KCNK13: variants seen among roughly 807,000 people sequenced by gnomAD.
KCNK13 encodes the protein potassium two pore domain channel subfamily K member 13, also known as potassium channel subfamily K member 13.
A neutral mutation model predicts 23.4 loss-of-function variants in KCNK13; 12 were observed. The observed-to-expected ratio is 0.51, with a 90% CI of 0.33 to 0.83. The LOEUF is 0.83. Ranked by LOEUF, KCNK13 falls within the 40% of genes least tolerant of loss-of-function variation. The pLI, the probability that KCNK13 is intolerant of heterozygous loss-of-function variation, is 0.02. For missense variants in KCNK13, 463 were observed against 556.3 expected (o/e 0.83, Z 1.69); for synonymous variants, 231 against 229.5 (o/e 1.01, Z -0.06).
chr14:90,127,724 C>T (rs547188481), intron 1 of KCNK13, among the ~76,000 whole-genome samples: 4 of 141,392 alleles, frequency 2.8e-5, no homozygotes, highest in South Asian at 2.4e-4. Flanking sequence ...AAGGCTGAGG[C>T]GGGAGGATCC....
intron 1 of KCNK13, among the ~76,000 whole-genome samples, chr14:90,093,235 GCTT>G (rs1232316862): frequency 6.6e-6 from 1 of 152,162 alleles, no homozygotes; most frequent in Non-Finnish European, 1.5e-5. Context: ...CAGGGACCAC[GCTT>G]CTTCTAGATG....
At chr14:90,136,547 C>G (rs181283862) in intron 1 of KCNK13, among the ~76,000 whole-genome samples, 9 of 152,134 alleles carry the variant, frequency 5.9e-5, no homozygotes, top group South Asian at 4.2e-4. Context: ...ACCTGAACTG[C>G]CTAAGGTTTT....
chr14:90,098,308 G>C (rs1351852143), intron 1 of KCNK13, among the ~76,000 whole-genome samples: 1 of 152,154 alleles, frequency 6.6e-6, no homozygotes, highest in Non-Finnish European at 1.5e-5. Flanking sequence ...AAAATAGTCT[G>C]ATTTCTTGGC....
At chr14:90,085,315 T>C (rs1401500726) in intron 1 of KCNK13, among the ~76,000 whole-genome samples, 1 of 152,128 alleles carries the variant, frequency 6.6e-6, no homozygotes, top group East Asian at 1.9e-4. Flanking sequence ...TTTTAATATG[T>C]TGCTGCATTT....
chr14:90,151,495 T>C (rs1890133811), intron 1 of KCNK13, among the ~76,000 whole-genome samples: 1 of 152,202 alleles, frequency 6.6e-6, no homozygotes, highest in South Asian at 2.1e-4. Flanking sequence ...TTCTTGCTAT[T>C]GAGTTGTTTG....
At chr14:90,069,808 G>A (rs987640905) in intron 1 of KCNK13, among the ~76,000 whole-genome samples, 1 of 152,098 alleles carries the variant, frequency 6.6e-6, no homozygotes, top group African/African-American at 2.4e-5. Flanking sequence ...GGATAGGCAG[G>A]GAAGTTATTA....
chr14:90,178,585 G>A (rs942038203), intron 1 of KCNK13, among the ~76,000 whole-genome samples: 17 of 151,928 alleles, frequency 1.1e-4, no homozygotes, highest in African/African-American at 1.7e-4. Flanking sequence ...CCACCACACC[G>A]GGCCTGATGT....
chr14:90,071,613 C>T (rs1292140556), intron 1 of KCNK13, among the ~76,000 whole-genome samples: 2 of 152,132 alleles, frequency 1.3e-5, no homozygotes, highest in Admixed American at 1.3e-4. Flanking sequence ...GGTAGTTGAC[C>T]CAGCAAGCAA....
chr14:90,126,762 C>T (rs1335977379), intron 1 of KCNK13, among the ~76,000 whole-genome samples: 2 of 152,096 alleles, frequency 1.3e-5, no homozygotes, highest in African/African-American at 2.4e-5. Flanking sequence ...AGGCTGGTCT[C>T]GAACTCCTGA....
chr14:90,094,645 CTTTTTTTTT>C (rs778654067), intron 1 of KCNK13, among the ~76,000 whole-genome samples: 4 of 111,624 alleles, frequency 3.6e-5, no homozygotes, highest in Admixed American at 9.7e-5. Context: ...TCTTTTTTTT[CTTTTTTTTT>C]TTTTTTTTTT....
chr14:90,077,657 C>T (rs530677125), intron 1 of KCNK13, among the ~76,000 whole-genome samples: 1 of 152,360 alleles, frequency 6.6e-6, no homozygotes, highest in South Asian at 2.1e-4. Flanking sequence ...GTGCTTTCAG[C>T]AGATACTATT....
chr14:90,087,152 A>ATTTTT (rs1241730961), intron 1 of KCNK13, among the ~76,000 whole-genome samples: 3 of 93,578 alleles, frequency 3.2e-5, no homozygotes, highest in Non-Finnish European at 6.4e-5. Flanking sequence ...ATATATATAT[A>ATTTTT]TATTTTTTTT....
rs116429327 is a variant in KCNK13 at position 90,171,608 on chromosome 14, G to A, written c.335-12503G>A. On this transcript the variant is annotated intron_variant, in intron 1 of 1. Transcript: ENST00000282146. ...TATAAATTTTAGGGAGACATGAGAC[G>A]TCAATTAATATATGTCTGGAAAAGT... is the stretch of plus-strand genomic sequence containing the variant. Among the ~76,000 whole-genome samples, 983 of 152,292 alleles carry A rather than the reference G, an allele frequency of 6.5e-3. 6 individuals are homozygous for A. Among genetic ancestry groups the A allele is most frequent in the African/African-American group, 0.023 (948 of 41,556 alleles).
At chr14:90,091,225 G>T (rs184864013) in intron 1 of KCNK13, among the ~76,000 whole-genome samples, 2 of 152,174 alleles carry the variant, frequency 1.3e-5, no homozygotes, top group Non-Finnish European at 2.9e-5. Context: ...GAGCAGTCAA[G>T]GTTTTCCTGA....
intron 1 of KCNK13, among the ~76,000 whole-genome samples, chr14:90,135,106 G>T (rs565507222): frequency 7.9e-5 from 12 of 152,244 alleles, no homozygotes; most frequent in African/African-American, 2.9e-4. Context: ...GCCCACTTGG[G>T]GAACTCACAC....
intron 1 of KCNK13, among the ~76,000 whole-genome samples, chr14:90,115,049 C>T (rs1889659838): frequency 6.6e-6 from 1 of 152,164 alleles, no homozygotes; most frequent in Non-Finnish European, 1.5e-5. Flanking sequence ...TCACTTCTAC[C>T]AACCCAATGC....
Position 90,091,255 on chromosome 14 carries a change from A to T in KCNK13, c.334+28716A>T, listed in dbSNP as rs1401095827. The stretch of plus-strand genomic sequence containing the variant: ...TCCTGATGGGGTGCATGGAGATTTT[A>T]TTCCATTCTTGTTGATTTCCCTCTG... On this transcript the variant is annotated intron_variant, in intron 1 of 1. Coordinates refer to ENST00000282146, the MANE Select transcript of KCNK13 (RefSeq NM_022054.4). Among the ~76,000 whole-genome samples, 3 of 152,168 alleles carry T rather than the reference A, an allele frequency of 2.0e-5. No individual in the cohort carries two copies. The East Asian group carries it at 5.8e-4, about 29-fold the overall frequency.
chr14:90,072,705 CAT>C (rs1247498152), intron 1 of KCNK13, among the ~76,000 whole-genome samples: 1 of 152,214 alleles, frequency 6.6e-6, no homozygotes, highest in Non-Finnish European at 1.5e-5. Context: ...TGCGACTACA[CAT>C]AGTTATTGAA....
In KCNK13 at chr14:90,062,497, A is replaced by C; in HGVS notation, c.292A>C (p.Thr98Pro). Residue 98 changes from threonine to proline, a missense_variant, in exon 1 of 2, where the codon ACC (threonine) becomes CCC (proline). This residue lies in a region of KCNK13 where 153 missense variants were observed against 153.6 expected (regional missense o/e 1.00). Transcript: ENST00000282146. This position sits in a 1 kb window ranked among gnomAD's most constrained non-coding sequence, Gnocchi z 4.5. ...VDNVRPRWDF[T>P]GAFYFVGTVV... The stretch of plus-strand genomic sequence containing the variant: ...CAACGTCCGCCCGCGCTGGGACTTC[A>C]CCGGCGCCTTCTACTTCGTGGGCAC... The C allele has an allele frequency of 6.5e-6, 10 of 1,536,920 alleles. No homozygotes were observed. Among genetic ancestry groups the C allele is most frequent in the Non-Finnish European group, 8.8e-6 (10 of 1,141,458 alleles).
Sources: allele counts gnomAD v4.1 joint callset (sites outside exome capture counted in the v4.1 genomes callset), GRCh38; gene constraint gnomAD v4.1.1; regional missense constraint gnomAD v4.1.1; non-coding constraint Gnocchi (gnomAD v3.1); transcripts MANE v1.5; gene names NCBI Gene and HGNC (gene_info 2026-07-23, HGNC 2026-07-21).